Variants in NAT16 observed in about 807,000 individuals in gnomAD.
The protein encoded by NAT16 is N-acetyltransferase 16 (putative), also known as probable N-acetyltransferase 16.
A neutral mutation model predicts 15.9 loss-of-function variants in NAT16; 16 were observed. That is an observed-to-expected ratio of 1.01 (90% confidence interval 0.68 to 1.53). The LOEUF is 1.53. Among genes scored for constraint, NAT16 ranks in the 40% most tolerant of loss-of-function variants. NAT16 has a pLI of 0.00. For missense variants in NAT16, 572 were observed against 508.4 expected, an observed-to-expected ratio of 1.13 and a Z score of -1.20; for synonymous variants, 260 against 241.9, an observed-to-expected ratio of 1.07 and a Z score of -0.69.
rs1261364999 is a variant in NAT16 at position 101,170,616 on chromosome 7, G to C, written c.*1463C>G. The stretch of plus-strand genomic sequence containing the variant: ...GCACAGTAGCAAAACCAGAGCTGCG[G>C]AAAGTGGCGAAGCGGCGGCTGCCCC... On this transcript the variant is annotated 3_prime_UTR_variant, in exon 4 of 4. Coordinates refer to ENST00000300303, the MANE Select transcript of NAT16 (RefSeq NM_198571.3). 1 of 152,536 alleles carries C rather than the reference G, an allele frequency of 6.6e-6. No homozygotes were observed. Among genetic ancestry groups the C allele is most frequent in the Non-Finnish European group, 1.5e-5 (1 of 68,168 alleles). The allele number at this position is 152,536 out of a possible 1,614,324, so 9.4% of individuals were successfully genotyped here.
In NAT16 at chr7:101,172,785, G is replaced by C. The variant is rs920667350; in HGVS notation, c.538-134C>G. The C allele has an allele frequency of 4.2e-5, 30 of 716,948 alleles. No homozygotes were observed. The highest frequency in any genetic ancestry group is 6.0e-5 in the Non-Finnish European group (28 of 463,072). The allele number at this position is 716,948 out of a possible 1,614,324, so 44.4% of individuals were successfully genotyped here. ...CCTGGGTCCCTCTGGAGGAGCGACC[G>C]TGAGGGCTCCGGGCCGAGTGGGGTA... is the stretch of plus-strand genomic sequence containing the variant. On this transcript the variant is annotated intron_variant, in intron 3 of 3. Coordinates refer to ENST00000300303, the MANE Select transcript of NAT16 (RefSeq NM_198571.3). This position sits in a 1 kb window ranked among gnomAD's most constrained non-coding sequence, Gnocchi z 4.2.
chr7:101,173,221 T>C, intron 3 of NAT16, 75 bp downstream of exon 3: 1 of 1,331,260 alleles, frequency 7.5e-7, no homozygotes, highest in East Asian at 2.3e-5. Context: ...GCCCGTGTTC[T>C]GCTGGGGGTG....
intron 2 of NAT16, chr7:101,174,011 T>G: frequency 4.8e-6 from 1 of 209,090 alleles, no homozygotes; most frequent in East Asian, 1.1e-4. Flanking sequence ...GTTACAGGAG[T>G]TAGCCGACGC....
rs1272739308 is a variant in NAT16, at chr7:101,172,155, T to C, written c.1034A>G (p.Asp345Gly). The C allele has an allele frequency of 6.2e-7, 1 of 1,613,940 alleles. No homozygotes were observed. The highest frequency in any genetic ancestry group is 1.3e-5 in the African/African-American group (1 of 74,988). Residue 345 changes from aspartate (D) to glycine (G), a missense_variant, in exon 4 of 4, where the codon GAC (aspartate) becomes GGC (glycine). By Grantham distance (94) the Asp-to-Gly change is moderately conservative (BLOSUM62 -1). Transcript: ENST00000300303. The surrounding 1 kb of genome is among the most constrained non-coding windows in gnomAD (Gnocchi z 4.2). ...LEPQLWSQLA[D>G]FCQVGLGLEL... ...CAGTCCCAGCCCGACCTGGCAGAAG[T>C]CAGCCAGCTGTGACCACAGCTGGGG...
Position 101,172,470 on chromosome 7 carries a change from C to T in NAT16, c.719G>A (p.Gly240Glu). The change falls in exon 4 of 4, where the codon GGG (glycine) becomes GAG (glutamate). Residue 240 changes from glycine to glutamate, a missense_variant. Gly to Glu is a moderately conservative substitution (Grantham distance 98, BLOSUM62 -2). Coordinates refer to ENST00000300303, the MANE Select transcript of NAT16 (RefSeq NM_198571.3). The surrounding 1 kb of genome is among the most constrained non-coding windows in gnomAD (Gnocchi z 4.2). ...GGGCTGCCAGTCCTGGATGATGGTC[C>T]CGCCTGGAAGCACGTCGCGCTGCAC... is the stretch of plus-strand genomic sequence containing the variant. The part of the protein sequence containing the change: ...PSVQRDVLPG[G>E]TIIQDWQPYR... 6.2e-7 allele frequency: 1 copy of T among 1,600,556 alleles called. No homozygotes were observed. Among genetic ancestry groups the T allele is most frequent in the East Asian group, 2.2e-5 (1 of 44,454 alleles).
chr7:101,174,570 G>A lies in NAT16; in HGVS notation c.238C>T (p.Leu80Phe). Residue 80 changes from leucine to phenylalanine, a missense_variant, in exon 2 of 4, where the codon CTT becomes TTT. Coordinates refer to ENST00000300303, the MANE Select transcript of NAT16 (RefSeq NM_198571.3). ...SGGIYGGLDYLPSRYHSWLRD... is the reference protein window; with the variant it reads ...SGGIYGGLDYFPSRYHSWLRD... ...AGCCAGCTGTGGTAGCGGCTAGGAA[G>A]GTAGTCCAGGCCGCCGTAGATGCCC... is the stretch of plus-strand genomic sequence containing the variant. 1 of 1,613,852 alleles carries A rather than the reference G, an allele frequency of 6.2e-7. No homozygotes were observed.
chr7:101,173,301 T>TA lies in NAT16; in HGVS notation c.531_532insT (p.Lys178Ter). On this transcript the variant is annotated frameshift_variant, in exon 3 of 4. Coordinates refer to ENST00000300303, the MANE Select transcript of NAT16 (RefSeq NM_198571.3). LOFTEE classifies it low-confidence loss of function (END_TRUNC). Reference sequence around the variant, plus strand: ...GAGCTCCCTGTCCTTCTCACCTGCTTGGTGATTAGGCGGTATTTCTTCAGC... The same window carrying TA: ...GAGCTCCCTGTCCTTCTCACCTGCTTAGGTGATTAGGCGGTATTTCTTCAGC... 1.2e-6 allele frequency: 2 copies of TA among 1,613,560 alleles called. No homozygotes were observed. Among genetic ancestry groups the TA allele is most frequent in the Non-Finnish European group, 8.5e-7 (1 of 1,179,670 alleles).
At chr7:101,176,813 C>T (rs1046257144) in intron 1 of NAT16, among the ~76,000 whole-genome samples, 3 of 152,274 alleles carry the variant, frequency 2.0e-5, no homozygotes, top group South Asian at 4.1e-4. Flanking sequence ...AGATAACCTA[C>T]GTTAAGCCTC....
intron 1 of NAT16, among the ~76,000 whole-genome samples, chr7:101,175,371 G>T (rs1045926458): frequency 1.3e-5 from 2 of 151,916 alleles, no homozygotes; most frequent in African/African-American, 4.8e-5. Context: ...CTCCCAAAGT[G>T]CTGGGATTAC....
In NAT16 at chr7:101,172,412, C is replaced by T. The variant is rs764595792; in HGVS notation, c.777G>A (p.Leu259=). Residue 259 remains leucine, a synonymous_variant, in exon 4 of 4, where the codon CTG becomes CTA. Coordinates refer to ENST00000300303, the MANE Select transcript of NAT16 (RefSeq NM_198571.3). The surrounding 1 kb of genome is among the most constrained non-coding windows in gnomAD (Gnocchi z 4.2). ...YRPSESNLRL[L]AAKGLEWRVD... ...CGCGCCACTCCAGGCCCTTGGCCGC[C>T]AGCAGGCGCAGGTTGCTTTCGCTAG... is the stretch of plus-strand genomic sequence containing the variant. 3 of 1,581,106 alleles carry T rather than the reference C, an allele frequency of 1.9e-6. No individual in the cohort carries two copies. Among genetic ancestry groups the T allele is most frequent in the East Asian group, 4.6e-5 (2 of 43,148 alleles).
rs776673558 is a variant in NAT16, at chr7:101,173,351, C to T, written c.482G>A (p.Arg161Gln). 25 of 1,613,922 alleles carry T rather than the reference C, an allele frequency of 1.5e-5. No individual in the cohort carries two copies. Among genetic ancestry groups the T allele is most frequent in the East Asian group, 2.2e-5 (1 of 44,876 alleles). Residue 161 changes from arginine (R) to glutamine (Q), a missense_variant, in exon 3 of 4, where the codon CGG becomes CAG. Transcript: ENST00000300303. Reference protein sequence around the residue: ...HPGVKVARLTRDDQLGPRELK... With the variant: ...HPGVKVARLTQDDQLGPRELK... ...CTCCCGGGGGCCCAGCTGGTCGTCC[C>T]GGGTGAGCCGTGCCACCTTGACCCC... is the stretch of plus-strand genomic sequence containing the variant.
Position 101,172,681 on chromosome 7 carries a change from G to T in NAT16, c.538-30C>A, listed in dbSNP as rs771667323. On this transcript the variant is annotated intron_variant, in intron 3 of 3. Transcript: ENST00000300303. This position sits in a 1 kb window ranked among gnomAD's most constrained non-coding sequence, Gnocchi z 4.2. ...GGGGGGCACGAGTGAGCGCGGGGAG[G>T]GGGGGCGCAGCAGGGCTGGCGAGCC... 4.1e-5 allele frequency: 59 copies of T among 1,442,312 alleles called. No individual in the cohort carries two copies. The Middle Eastern group carries it at 1.7e-3, about 41-fold the overall frequency. 89.3% of individuals were successfully genotyped at this position (1,442,312 alleles called of 1,614,324 possible).
rs200274241 is a variant in NAT16 at position 101,174,470 on chromosome 7, C to A, written c.312+26G>T. 4.0e-5 allele frequency: 64 copies of A among 1,588,814 alleles called. No individual in the cohort carries two copies. The East Asian group carries it at 1.4e-3, about 34-fold the overall frequency. ...ACCCGCAGGTGGCTTCACCCCATGT[C>A]ACCTGGGCCGTGCCCCCGGGCTCAC... On this transcript the variant is annotated intron_variant, in intron 2 of 3. Coordinates refer to ENST00000300303, the MANE Select transcript of NAT16 (RefSeq NM_198571.3).
Position 101,174,593 on chromosome 7 carries a change from C to G in NAT16, c.215G>C (p.Gly72Ala). The G allele has an allele frequency of 5.6e-6, 9 of 1,614,102 alleles. No homozygotes were observed. Among genetic ancestry groups the G allele is most frequent in the Non-Finnish European group, 7.6e-6 (9 of 1,180,010 alleles). ...EFEEVLAISG[G>A]IYGGLDYLPS... ...AAGGTAGTCCAGGCCGCCGTAGATG[C>G]CCCCCGAGATGGCCAGCACTTCCTC... The change falls in exon 2 of 4, where the codon GGC becomes GCC. Residue 72 changes from glycine to alanine, a missense_variant. Physicochemically the swap from Gly to Ala is moderately conservative, Grantham distance 60. Transcript: ENST00000300303.
Position 101,172,635 on chromosome 7 carries a change from C to T in NAT16, c.554G>A (p.Arg185Gln), listed in dbSNP as rs942544822. ...LITKQGILLVRFNASALLAGL... is the reference protein window; with the variant it reads ...LITKQGILLVQFNASALLAGL... ...GGCCAGCAGCGCGGACGCGTTGAAT[C>T]GGACCAAAAGGATGCCCTGCGGGGG... Residue 185 changes from arginine (R) to glutamine (Q), a missense_variant, in exon 4 of 4, where the codon CGA (arginine) becomes CAA (glutamine). By Grantham distance (43) the Arg-to-Gln change is conservative. Coordinates refer to ENST00000300303, the MANE Select transcript of NAT16 (RefSeq NM_198571.3). The surrounding 1 kb of genome is among the most constrained non-coding windows in gnomAD (Gnocchi z 4.2). 1 of 1,521,046 alleles carries T rather than the reference C, an allele frequency of 6.6e-7. No individual in the cohort carries two copies. Among genetic ancestry groups the T allele is most frequent in the South Asian group, 1.2e-5 (1 of 82,992 alleles). 94.2% of individuals were successfully genotyped at this position (1,521,046 alleles called of 1,614,324 possible).
chr7:101,180,229 C>A lies in NAT16; in HGVS notation c.-192G>T, dbSNP rs1797559677. ...ACTCTAACGTCGGTCAGCGCTGGGG[C>A]AGCGCCGCAGCTCCGTTGGCGACGC... On this transcript the variant is annotated 5_prime_UTR_variant, in exon 1 of 4. Coordinates refer to ENST00000300303, the MANE Select transcript of NAT16 (RefSeq NM_198571.3). 6.6e-6 allele frequency: 1 copy of A among 152,344 alleles called. No individual in the cohort carries two copies. Among genetic ancestry groups the A allele is most frequent in the South Asian group, 2.1e-4 (1 of 4,830 alleles). 9.4% of individuals were successfully genotyped at this position (152,344 alleles called of 1,614,324 possible).
In NAT16 at chr7:101,172,403, C is replaced by T. The variant is rs1269985908; in HGVS notation, c.786G>A (p.Lys262=). 1 of 1,576,386 alleles carries T rather than the reference C, an allele frequency of 6.3e-7. No homozygotes were observed. Among genetic ancestry groups the T allele is most frequent in the African/African-American group, 1.4e-5 (1 of 74,016 alleles). The change falls in exon 4 of 4, where the codon AAG becomes AAA. Residue 262 remains lysine, a synonymous_variant. Transcript: ENST00000300303. The surrounding 1 kb of genome is among the most constrained non-coding windows in gnomAD (Gnocchi z 4.2). ...GGCTGTCCACGCGCCACTCCAGGCC[C>T]TTGGCCGCCAGCAGGCGCAGGTTGC... ...SESNLRLLAA[K]GLEWRVDSRA... is the part of the protein sequence containing the mutation.
rs901572915 is a variant in NAT16, at chr7:101,170,649, C to G, written c.*1430G>C. 1.3e-5 allele frequency: 2 copies of G among 152,636 alleles called. No homozygotes were observed. The highest frequency in any genetic ancestry group is 1.3e-4 in the Admixed American group (2 of 15,306). 9.5% of individuals were successfully genotyped at this position (152,636 alleles called of 1,614,324 possible). On this transcript the variant is annotated 3_prime_UTR_variant, in exon 4 of 4. Transcript: ENST00000300303. The stretch of plus-strand genomic sequence containing the variant: ...CGAAGCGGCGGCTGCCCCTACCCCC[C>G]ACCTTGTCCACATTCTTCCACCTGC...
rs866493509 is a variant in NAT16, at chr7:101,174,367, C to G, written c.312+129G>C. Reference sequence around the variant, plus strand: ...CACTGCACGCCCTGCACTTTGGTCCCAAAGCAGGCTCTATTTCCGCAGCCT... The same window carrying G: ...CACTGCACGCCCTGCACTTTGGTCCGAAAGCAGGCTCTATTTCCGCAGCCT... On this transcript the variant is annotated intron_variant, in intron 2 of 3. Transcript: ENST00000300303. 21 of 1,300,764 alleles carry G rather than the reference C, an allele frequency of 1.6e-5. No individual in the cohort carries two copies. The Middle Eastern group carries it at 3.0e-3, about 187-fold the overall frequency. The allele number at this position is 1,300,764 out of a possible 1,614,324, so 80.6% of individuals were successfully genotyped here. A position where few individuals can be genotyped will look rare whatever the true frequency, so the allele number is the denominator to read the frequency against.
Sources: gnomAD v4.1 joint callset for allele counts (sites outside exome capture counted in the v4.1 genomes callset) on GRCh38, gnomAD v4.1.1 for gene constraint, Gnocchi (gnomAD v3.1) non-coding constraint, MANE v1.5 for transcripts, NCBI Gene and HGNC (gene_info 2026-07-23, HGNC 2026-07-21) for gene names.